Variants in TGFB2 observed in about 807,000 individuals in gnomAD.
TGFB2 encodes transforming growth factor beta-2 proprotein.
A neutral mutation model predicts 42.7 loss-of-function variants in TGFB2; 13 were observed. That is an observed-to-expected ratio of 0.30 (90% CI 0.20 to 0.48). TGFB2 has a LOEUF of 0.48. Among genes scored for constraint, TGFB2 ranks in the 20% least tolerant of loss-of-function variants. The probability of loss-of-function intolerance (pLI) is 0.99; values close to 1 mark genes in which losing one functional copy is unlikely to be tolerated. For missense variants in TGFB2, 390 were observed against 517.5 expected (o/e 0.75, Z 2.39); for synonymous variants, 193 against 193.6 (o/e 1.00, Z 0.03).
intron 1 of TGFB2, among the ~76,000 whole-genome samples, chr1:218,348,237 C>T (rs572161076): frequency 9.9e-5 from 15 of 152,220 alleles, no homozygotes; most frequent in Non-Finnish European, 1.9e-4. Context: ...TCATTGGTTG[C>T]TCATTTCTCT....
chr1:218,441,700 C>T lies in TGFB2; in HGVS notation c.*338C>T, dbSNP rs1660159523. The T allele has an allele frequency of 1.1e-5, 2 of 190,440 alleles. No individual in the cohort carries two copies. Among genetic ancestry groups the T allele is most frequent in the Middle Eastern group, 2.2e-3 (1 of 456 alleles). The allele number at this position is 190,440 out of a possible 1,614,324, so 11.8% of individuals were successfully genotyped here. On this transcript the variant is annotated 3_prime_UTR_variant, in exon 7 of 7. Transcript: ENST00000366930. ...TGAACAACGACAACAACAACAACAA[C>T]AACAAACAGGAAAATCCCATTAAGT...
At chr1:218,416,759 G>A (rs1242212347) in intron 2 of TGFB2, among the ~76,000 whole-genome samples, 6 of 152,136 alleles carry the variant, frequency 3.9e-5, no homozygotes, top group Admixed American at 3.9e-4. Flanking sequence ...ATTCAAATGT[G>A]TTGTGGGAGG....
chr1:218,391,931 G>T (rs1226744179), intron 1 of TGFB2, among the ~76,000 whole-genome samples: 1 of 152,186 alleles, frequency 6.6e-6, no homozygotes, highest in African/African-American at 2.4e-5. Context: ...GTTTAAGATT[G>T]GGGCAAAGTA....
chr1:218,405,009 C>T (rs554789484), intron 1 of TGFB2, among the ~76,000 whole-genome samples, 160 bp from the exon 2 acceptor site: 28 of 152,060 alleles, frequency 1.8e-4, no homozygotes, highest in Admixed American at 4.6e-4. Flanking sequence ...TATTTTATTT[C>T]TTTTTTTTCT....
intron 1 of TGFB2, among the ~76,000 whole-genome samples, chr1:218,353,232 T>G (rs1336528421): frequency 6.6e-6 from 1 of 152,220 alleles, no homozygotes. Context: ...TCTTTTCCTT[T>G]GCGATAGTTC....
chr1:218,394,177 T>G (rs1571865133), intron 1 of TGFB2, among the ~76,000 whole-genome samples: 1 of 152,032 alleles, frequency 6.6e-6, no homozygotes, highest in East Asian at 1.9e-4. Flanking sequence ...CCAAAGTGCT[T>G]GGATTATAGG....
At chr1:218,403,839 G>C (rs1658814046) in intron 1 of TGFB2, among the ~76,000 whole-genome samples, 1 of 152,130 alleles carries the variant, frequency 6.6e-6, no homozygotes, top group Admixed American at 6.5e-5. Context: ...AAGAAATGGA[G>C]CCACTAGAGT....
At chr1:218,409,210 C>T (rs912583658) in intron 2 of TGFB2, among the ~76,000 whole-genome samples, 6 of 152,204 alleles carry the variant, frequency 3.9e-5, no homozygotes, top group Non-Finnish European at 8.8e-5. Flanking sequence ...GGCCCGGCTC[C>T]TGATGGGCCA....
In TGFB2 at chr1:218,416,608, A is replaced by G. The variant is rs754257883; in HGVS notation, c.510+11276A>G. ...TATTTCTGAAAGTCAGCCACCTCCCATGTCTCTGCTGTTACTATGCTTGTC... is the reference window on the plus strand; with the variant it reads ...TATTTCTGAAAGTCAGCCACCTCCCGTGTCTCTGCTGTTACTATGCTTGTC... On this transcript the variant is annotated intron_variant, in intron 2 of 6. Coordinates refer to ENST00000366930, the MANE Select transcript of TGFB2 (RefSeq NM_003238.6). Among the ~76,000 whole-genome samples the G allele has an allele frequency of 3.9e-5, 6 of 152,314 alleles. No homozygotes were observed. The East Asian group carries it at 1.2e-3, about 29-fold the overall frequency.
Position 218,375,746 on chromosome 1 carries a change from G to C in TGFB2, c.346+28699G>C, listed in dbSNP as rs185891802. Reference sequence around the variant, plus strand: ...TCTGTGAGAGGAAGATAATATTGGAGATAGTATTTTAAAATACGGGATATT... The same window carrying C: ...TCTGTGAGAGGAAGATAATATTGGACATAGTATTTTAAAATACGGGATATT... On this transcript the variant is annotated intron_variant, in intron 1 of 6. Coordinates refer to ENST00000366930, the MANE Select transcript of TGFB2 (RefSeq NM_003238.6). 4.6e-5 allele frequency among the ~76,000 whole-genome samples: 7 copies of C among 152,232 alleles called. 1 individual carries two copies. Among genetic ancestry groups the C allele is most frequent in the Admixed American group, 4.6e-4 (7 of 15,282 alleles).
At chr1:218,366,220 G>A (rs1657382082) in intron 1 of TGFB2, among the ~76,000 whole-genome samples, 1 of 152,126 alleles carries the variant, frequency 6.6e-6, no homozygotes, top group African/African-American at 2.4e-5. Context: ...AGTCATGAAG[G>A]CAAATATAAT....
intron 2 of TGFB2, among the ~76,000 whole-genome samples, chr1:218,407,616 T>C (rs1419407357): frequency 6.6e-6 from 1 of 152,216 alleles, no homozygotes; most frequent in Non-Finnish European, 1.5e-5. Context: ...AGCTATACTA[T>C]GAAGTTTGTA....
chr1:218,350,631 C>CA (rs1419409698), intron 1 of TGFB2, among the ~76,000 whole-genome samples: 2 of 152,040 alleles, frequency 1.3e-5, no homozygotes, highest in Non-Finnish European at 2.9e-5. Flanking sequence ...GGAGGATAGT[C>CA]AGACAGTTAT....
chr1:218,425,485 A>G (rs1291615634), intron 2 of TGFB2, among the ~76,000 whole-genome samples: 3 of 152,046 alleles, frequency 2.0e-5, no homozygotes, highest in Admixed American at 2.0e-4. Context: ...AGGATTACAG[A>G]TGTGAGCCAC....
Position 218,437,517 on chromosome 1 carries a change from T to C in TGFB2, c.1086+21T>C, listed in dbSNP as rs765778566. ...GCAGGGTGAGTGTTCAGCTTACCTGTTGCCTCTGTTCTTGGGTTACCATGT... is the reference window on the plus strand; with the variant it reads ...GCAGGGTGAGTGTTCAGCTTACCTGCTGCCTCTGTTCTTGGGTTACCATGT... On this transcript the variant is annotated intron_variant, in intron 6 of 6. Transcript: ENST00000366930. 8.8e-6 allele frequency: 14 copies of C among 1,598,488 alleles called. No individual in the cohort carries two copies. In the Admixed American group the frequency reaches 2.3e-4, roughly 26 times the overall value.
At chr1:218,397,563 CAAAA>C (rs759635592) in intron 1 of TGFB2, among the ~76,000 whole-genome samples, 2 of 91,378 alleles carry the variant, frequency 2.2e-5, no homozygotes, top group African/African-American at 3.7e-5. Flanking sequence ...GACTCCGTCT[CAAAA>C]AAAAAAAAAA....
Position 218,434,323 on chromosome 1 carries a change from CTT to C in TGFB2, c.644-14_644-13del, listed in dbSNP as rs1413151023. On this transcript the variant is annotated splice_polypyrimidine_tract_variant and intron_variant, in intron 3 of 6. Coordinates refer to ENST00000366930, the MANE Select transcript of TGFB2 (RefSeq NM_003238.6). Reference sequence around the variant, plus strand: ...ACACACATACAAATGACCTCCTTGACTTAATGTTTTCCAGACAGGAACCTGGG... The same window carrying C: ...ACACACATACAAATGACCTCCTTGACAATGTTTTCCAGACAGGAACCTGGG... The C allele has an allele frequency of 3.1e-6, 5 of 1,612,752 alleles. No individual in the cohort carries two copies. Among genetic ancestry groups the C allele is most frequent in the Non-Finnish European group, 4.2e-6 (5 of 1,179,006 alleles).
chr1:218,347,174 C>A, intron 1 of TGFB2, 127 bp downstream of exon 1: 1 of 771,508 alleles, frequency 1.3e-6, no homozygotes, highest in Non-Finnish European at 2.1e-6. Context: ...GTTCTCCTGT[C>A]CTTCACCCCA....
At chr1:218,434,757 A>C (rs943827176) in intron 4 of TGFB2, among the ~76,000 whole-genome samples, 4 of 152,334 alleles carry the variant, frequency 2.6e-5, no homozygotes, top group Admixed American at 1.3e-4. Flanking sequence ...CTTTCCATCT[A>C]TACTGATATT....
Sources: allele counts gnomAD v4.1 joint callset (sites outside exome capture counted in the v4.1 genomes callset), GRCh38; gene constraint gnomAD v4.1.1; transcripts MANE v1.5; gene names NCBI Gene and HGNC (gene_info 2026-07-23, HGNC 2026-07-21).